ZNF385D: variants seen among roughly 807,000 people sequenced by gnomAD.
ZNF385D encodes zinc finger protein 385D.
In ZNF385D, 15 loss-of-function variants were observed where a neutral mutation model predicts 35.8. That is an observed-to-expected ratio of 0.42 (90% CI 0.28 to 0.64). ZNF385D has a LOEUF of 0.64. Among genes scored for constraint, ZNF385D ranks in the 30% least tolerant of loss-of-function variants. The pLI is 0.23. For missense variants in ZNF385D, 474 were observed against 494.6 expected, an observed-to-expected ratio of 0.96 and a Z score of 0.39; for synonymous variants, 212 against 186.8, an observed-to-expected ratio of 1.13 and a Z score of -1.10.
At chr3:21,603,355 AGT>A (rs896863410) in intron 2 of ZNF385D, among the ~76,000 whole-genome samples, 15 of 150,604 alleles carry the variant, frequency 1.0e-4, no homozygotes, top group Admixed American at 3.9e-4. Context: ...GGAAGTTAAA[AGT>A]GTGTCCCTTC....
intron 3 of ZNF385D, among the ~76,000 whole-genome samples, chr3:22,063,794 G>C (rs1048579221): frequency 2.0e-5 from 3 of 152,122 alleles, no homozygotes; most frequent in Admixed American, 6.5e-5. Context: ...GGTTCATGTG[G>C]AGCTATGTGT....
chr3:21,799,488 G>C (rs2072301710), intron 3 of ZNF385D, among the ~76,000 whole-genome samples: 1 of 152,056 alleles, frequency 6.6e-6, no homozygotes, highest in South Asian at 2.1e-4. Context: ...GTCTTCATTT[G>C]TATTTACCTA....
intron 3 of ZNF385D, among the ~76,000 whole-genome samples, chr3:21,797,214 CAAAT>C (rs1346250820): frequency 1.3e-5 from 2 of 152,118 alleles, no homozygotes; most frequent in African/African-American, 2.4e-5. Context: ...ATACAAATGA[CAAAT>C]AAGCCAATGA....
chr3:22,247,615 TTTTATTTA>T (rs71266432), intron 2 of ZNF385D, among the ~76,000 whole-genome samples: 41 of 148,204 alleles, frequency 2.8e-4, no homozygotes, highest in Non-Finnish European at 4.9e-4. Context: ...CATTTTACAA[TTTTATTTA>T]TTTATTTATT....
chr3:22,201,222 T>C (rs1304875138), intron 2 of ZNF385D, among the ~76,000 whole-genome samples: 3 of 152,122 alleles, frequency 2.0e-5, no homozygotes, highest in African/African-American at 7.2e-5. Context: ...CCATGAAATC[T>C]TCACAATCCA....
intron 1 of ZNF385D, among the ~76,000 whole-genome samples, chr3:21,714,812 CT>C (rs1430541091): frequency 2.0e-5 from 3 of 152,138 alleles, no homozygotes; most frequent in African/African-American, 7.2e-5. Flanking sequence ...CCTACTCTCT[CT>C]TTTTAAAAAA....
At chr3:22,371,740 G>A (rs1696914936) in intron 2 of ZNF385D, among the ~76,000 whole-genome samples, 1 of 152,180 alleles carries the variant, frequency 6.6e-6, no homozygotes, top group African/African-American at 2.4e-5. Context: ...CTCAATGGAA[G>A]CGTAAAAAGA....
chr3:22,161,460 G>A (rs1032971849), intron 3 of ZNF385D, among the ~76,000 whole-genome samples: 4 of 151,856 alleles, frequency 2.6e-5, no homozygotes, highest in African/African-American at 9.7e-5. Flanking sequence ...AAAATCAAAG[G>A]CCTTTTTAAA....
At chr3:22,204,118 G>C (rs555423951) in intron 2 of ZNF385D, among the ~76,000 whole-genome samples, 1 of 152,010 alleles carries the variant, frequency 6.6e-6, no homozygotes, top group Non-Finnish European at 1.5e-5. Context: ...GACTTCCCCA[G>C]CTCCAGACAG....
intron 4 of ZNF385D, among the ~76,000 whole-genome samples, chr3:21,475,669 A>T (rs534077555): frequency 6.6e-6 from 1 of 152,232 alleles, no homozygotes; most frequent in South Asian, 2.1e-4. Context: ...TTCTGCTCAA[A>T]GTTAAAGGCA....
At chr3:21,799,702 T>C (rs2072312590) in intron 3 of ZNF385D, among the ~76,000 whole-genome samples, 2 of 152,168 alleles carry the variant, frequency 1.3e-5, no homozygotes, top group South Asian at 4.1e-4. Flanking sequence ...CCAGATACTT[T>C]CTCCCTTTCT....
At chr3:22,237,802 C>G (rs886933137) in intron 2 of ZNF385D, among the ~76,000 whole-genome samples, 3 of 151,996 alleles carry the variant, frequency 2.0e-5, no homozygotes, top group African/African-American at 7.3e-5. Context: ...CACCACCATG[C>G]CTGGCTAATT....
At chr3:21,759,196 G>A (rs1213048942) in intron 3 of ZNF385D, among the ~76,000 whole-genome samples, 2 of 152,006 alleles carry the variant, frequency 1.3e-5, no homozygotes, top group Non-Finnish European at 1.5e-5. Flanking sequence ...GGTAAAAGAT[G>A]ATATTATGAA....
chr3:22,341,078 C>A (rs1695400276), intron 2 of ZNF385D, among the ~76,000 whole-genome samples: 1 of 152,154 alleles, frequency 6.6e-6, no homozygotes, highest in Non-Finnish European at 1.5e-5. Flanking sequence ...GACAAAGAAT[C>A]AAGAAAACCT....
intron 3 of ZNF385D, among the ~76,000 whole-genome samples, chr3:21,803,363 A>AT (rs2072496160): frequency 1.3e-5 from 2 of 152,130 alleles, no homozygotes; most frequent in Admixed American, 6.5e-5. Context: ...CCAGATTTGT[A>AT]TTTTTTACAT....
chr3:21,413,409 C>T lies in ZNF385D; in HGVS notation c.*7805G>A, dbSNP rs145778371. 2.6e-5 allele frequency: 4 copies of T among 152,156 alleles called. No homozygotes were observed. Among genetic ancestry groups the T allele is most frequent in the East Asian group, 1.9e-4 (1 of 5,172 alleles). The allele number at this position is 152,156 out of a possible 1,614,324, so 9.4% of individuals were successfully genotyped here. A position where few individuals can be genotyped will look rare whatever the true frequency, so the allele number is the denominator to read the frequency against. ...GCATCACTGTGGCTGACCAATGATT[C>T]GGAATCTCACATTGGTGTGACTAGT... On this transcript the variant is annotated 3_prime_UTR_variant, in exon 8 of 8. Coordinates refer to ENST00000281523, the MANE Select transcript of ZNF385D (RefSeq NM_024697.3).
intron 3 of ZNF385D, among the ~76,000 whole-genome samples, chr3:21,519,251 A>G (rs1707768747): frequency 6.6e-6 from 1 of 152,196 alleles, no homozygotes; most frequent in Non-Finnish European, 1.5e-5. Context: ...AAATTCTCAG[A>G]TACATTTGGT....
At chr3:22,229,399 G>A (rs931351814) in intron 2 of ZNF385D, among the ~76,000 whole-genome samples, 3 of 152,178 alleles carry the variant, frequency 2.0e-5, no homozygotes, top group South Asian at 2.1e-4. Context: ...GTGCCACAGG[G>A]TTTTCAGCAT....
At chr3:21,566,667 A>G (rs971715911) in intron 2 of ZNF385D, among the ~76,000 whole-genome samples, 2 of 152,140 alleles carry the variant, frequency 1.3e-5, no homozygotes, top group African/African-American at 4.8e-5. Context: ...AGTGAATTCT[A>G]TAATATTTTC....
Sources: allele counts gnomAD v4.1 joint callset (sites outside exome capture counted in the v4.1 genomes callset), GRCh38; gene constraint gnomAD v4.1.1; transcripts MANE v1.5; gene names NCBI Gene and HGNC (gene_info 2026-07-23, HGNC 2026-07-21).